Variants in XKR4 observed in about 807,000 individuals in gnomAD.
XKR4 encodes the protein XK-related protein 4.
In XKR4, 12 loss-of-function variants were observed where a neutral mutation model predicts 53.9. The ratio of observed to expected loss-of-function variants is 0.22; its 90% CI spans 0.14 to 0.36. XKR4 has a LOEUF of 0.36. Ranked by LOEUF, XKR4 falls within the 10% of genes least tolerant of loss-of-function variation. The pLI, the probability that XKR4 is intolerant of heterozygous loss-of-function variation, is 1.00. For missense variants in XKR4, 799 were observed against 859.5 expected, an observed-to-expected ratio of 0.93 and a Z score of 0.88; for synonymous variants, 354 against 362.4, an observed-to-expected ratio of 0.98 and a Z score of 0.26.
intron 2 of XKR4, among the ~76,000 whole-genome samples, chr8:55,443,640 G>A (rs549292416): frequency 6.1e-5 from 9 of 146,598 alleles, no homozygotes; most frequent in East Asian, 2.0e-4. Flanking sequence ...TCAGGAGATC[G>A]AAACCATCCT....
chr8:55,107,639 G>A (rs1447971160), intron 1 of XKR4, among the ~76,000 whole-genome samples: 3 of 152,098 alleles, frequency 2.0e-5, no homozygotes, highest in African/African-American at 4.8e-5. Context: ...TGATTACATG[G>A]CATAATGTAT....
chr8:55,411,701 G>A (rs78597893), intron 2 of XKR4, among the ~76,000 whole-genome samples: 8,439 of 152,180 alleles, frequency 0.055, 432 homozygotes, highest in African/African-American at 0.13. Context: ...GACAATCAGC[G>A]TCTGTCTTCC....
intron 1 of XKR4, among the ~76,000 whole-genome samples, chr8:55,124,773 G>T (rs2129352360): frequency 6.6e-6 from 1 of 151,988 alleles, no homozygotes; most frequent in South Asian, 2.1e-4. Context: ...TAGAGCAGTG[G>T]CATAATCATA....
At chr8:55,295,242 G>T (rs1819085058) in intron 1 of XKR4, among the ~76,000 whole-genome samples, 1 of 152,296 alleles carries the variant, frequency 6.6e-6, no homozygotes, top group East Asian at 1.9e-4. Context: ...TTCTGTGACA[G>T]AAGGTAGTAA....
chr8:55,416,860 CTA>C (rs1804860696), intron 2 of XKR4, among the ~76,000 whole-genome samples: 1 of 152,236 alleles, frequency 6.6e-6, no homozygotes, highest in Non-Finnish European at 1.5e-5. Context: ...GATCTAGTTT[CTA>C]TGACTGCATA....
At chr8:55,264,610 C>G (rs12548967) in intron 1 of XKR4, among the ~76,000 whole-genome samples, 2,019 of 152,280 alleles carry the variant, frequency 0.013, 41 homozygotes, top group East Asian at 0.041. Context: ...CTATGAATTT[C>G]CATGAGGTTT....
At chr8:55,322,578 A>G (rs1020162139) in intron 1 of XKR4, among the ~76,000 whole-genome samples, 1 of 152,222 alleles carries the variant, frequency 6.6e-6, no homozygotes, top group Non-Finnish European at 1.5e-5. Flanking sequence ...AATTTTAACA[A>G]TTTATACTCC....
rs1805545191 is a variant in XKR4, at chr8:55,455,135, G to A, written c.1007-68146G>A. 5 of 613,926 alleles carry A rather than the reference G, an allele frequency of 8.1e-6. No homozygotes were observed. In the East Asian group the frequency reaches 1.5e-4, roughly 18 times the overall value. The allele number at this position is 613,926 out of a possible 1,614,324, so 38.0% of individuals were successfully genotyped here. ...CAGCAGGAAGTAGTCTGTGATCCGC[G>A]CCATGGGGAGGGACGCTGGGCGGGC... On this transcript the variant is annotated intron_variant, in intron 2 of 2. Coordinates refer to ENST00000327381, the MANE Select transcript of XKR4 (RefSeq NM_052898.2).
chr8:55,461,346 T>A (rs1805654819), intron 2 of XKR4, among the ~76,000 whole-genome samples: 1 of 152,230 alleles, frequency 6.6e-6, no homozygotes, highest in Non-Finnish European at 1.5e-5. Flanking sequence ...CCTTCGCTGC[T>A]GATACCCAGG....
At chr8:55,294,677 C>A (rs1273092283) in intron 1 of XKR4, among the ~76,000 whole-genome samples, 1 of 152,198 alleles carries the variant, frequency 6.6e-6, no homozygotes, top group East Asian at 1.9e-4. Context: ...GTCTCCAGAC[C>A]TGTTCCATCT....
At chr8:55,325,478 ATAATTTACCCTGCGGGGTCTTCAGT>A (rs1803279137) in intron 1 of XKR4, among the ~76,000 whole-genome samples, 1 of 152,174 alleles carries the variant, frequency 6.6e-6, no homozygotes, top group African/African-American at 2.4e-5. Flanking sequence ...GCATGAGCAA[ATAATTTACCCTGCGGGGTCTTCAGT>A]TAATTTTAAA....
intron 1 of XKR4, among the ~76,000 whole-genome samples, chr8:55,308,205 A>T (rs1212183270): frequency 2.6e-5 from 4 of 152,212 alleles, no homozygotes; most frequent in Non-Finnish European, 5.9e-5. Context: ...GTGAGCCGAG[A>T]TCGTGCCATT....
rs117452625 is a variant in XKR4 at position 55,234,228 on chromosome 8, C to G, written c.807-123450C>G. ...AAAATACTGTCAGCCTTATACCCAC[C>G]CTATAGATTTGGATATTCTCCTCCA... On this transcript the variant is annotated intron_variant, in intron 1 of 2. Transcript: ENST00000327381. 7.5e-3 allele frequency among the ~76,000 whole-genome samples: 1,136 copies of G among 152,218 alleles called. 13 individuals are homozygous for G. The highest frequency in any genetic ancestry group is 0.031 in the Middle Eastern group (9 of 294).
At chr8:55,517,955 G>A (rs1806740507) in intron 2 of XKR4, among the ~76,000 whole-genome samples, 1 of 152,158 alleles carries the variant, frequency 6.6e-6, no homozygotes, top group Non-Finnish European at 1.5e-5. Flanking sequence ...CTGCAATTTG[G>A]TTGTGAATGT....
At chr8:55,242,089 C>T (rs1310915701) in intron 1 of XKR4, among the ~76,000 whole-genome samples, 1 of 152,188 alleles carries the variant, frequency 6.6e-6, no homozygotes, top group South Asian at 2.1e-4. Flanking sequence ...CCTATGAATG[C>T]AGCTCATATT....
chr8:55,275,272 A>G (rs1369462521), intron 1 of XKR4, among the ~76,000 whole-genome samples: 1 of 152,178 alleles, frequency 6.6e-6, no homozygotes, highest in South Asian at 2.1e-4. Flanking sequence ...TTATAAGTCT[A>G]TCTTATATCC....
intron 2 of XKR4, among the ~76,000 whole-genome samples, chr8:55,461,378 C>A (rs1805655307): frequency 1.3e-5 from 2 of 152,202 alleles, no homozygotes; most frequent in African/African-American, 4.8e-5. Context: ...TGGAGTGGAC[C>A]TCCAGTAAAC....
Position 55,102,660 on chromosome 8 carries a change from G to A in XKR4, c.172G>A (p.Gly58Ser), listed in dbSNP as rs766817614. 3 of 1,266,596 alleles carry A rather than the reference G, an allele frequency of 2.4e-6. No individual in the cohort carries two copies. Among genetic ancestry groups the A allele is most frequent in the Non-Finnish European group, 3.0e-6 (3 of 996,860 alleles). The allele number at this position is 1,266,596 out of a possible 1,614,324, so 78.5% of individuals were successfully genotyped here. A position where few individuals can be genotyped will look rare whatever the true frequency, so the allele number is the denominator to read the frequency against. ...GGCCGGGGGCGGCTGCTGCCCGGAC[G>A]GCGGCGGCTGCTCGCGCTGCTGCTG... ...EAAGGGCCPDGGGCSRCCCCC... is the reference protein window; with the variant it reads ...EAAGGGCCPDSGGCSRCCCCC... The change falls in exon 1 of 3, where the codon GGC (glycine) becomes AGC (serine). Residue 58 changes from glycine to serine, a missense_variant. This residue lies in a region of XKR4 where 476 missense variants were observed against 505.4 expected (regional missense o/e 0.94). Coordinates refer to ENST00000327381, the MANE Select transcript of XKR4 (RefSeq NM_052898.2). This position sits in a 1 kb window ranked among gnomAD's most constrained non-coding sequence, Gnocchi z 5.1.
chr8:55,498,449 G>T (rs574218459), intron 2 of XKR4, among the ~76,000 whole-genome samples: 1 of 152,292 alleles, frequency 6.6e-6, no homozygotes, highest in East Asian at 1.9e-4. Context: ...TAGCAGGAAG[G>T]TTACAGTCTC....
Sources: gnomAD v4.1 joint callset for allele counts (sites outside exome capture counted in the v4.1 genomes callset) on GRCh38, gnomAD v4.1.1 for gene constraint, gnomAD v4.1.1 regional missense constraint, Gnocchi (gnomAD v3.1) non-coding constraint, MANE v1.5 for transcripts, NCBI Gene and HGNC (gene_info 2026-07-23, HGNC 2026-07-21) for gene names.